Variants in PTPRR observed in about 807,000 individuals in gnomAD.
PTPRR encodes protein tyrosine phosphatase receptor type R.
Under a neutral mutation model 77.2 loss-of-function variants are expected in PTPRR, and 38 were observed. The ratio of observed to expected loss-of-function variants is 0.49; its 90% confidence interval spans 0.38 to 0.65. The LOEUF is 0.65. Among genes scored for constraint, PTPRR ranks in the 30% least tolerant of loss-of-function variants. The probability of loss-of-function intolerance (pLI) is 0.00; values close to 1 mark genes in which losing one functional copy is unlikely to be tolerated. For synonymous variants in PTPRR, 299 were observed against 283.1 expected, an observed-to-expected ratio of 1.06 and a Z score of -0.57; for missense variants, 744 against 799.2, an observed-to-expected ratio of 0.93 and a Z score of 0.83.
chr12:70,857,552 G>A (rs1247889679), intron 2 of PTPRR, among the ~76,000 whole-genome samples: 2 of 152,142 alleles, frequency 1.3e-5, no homozygotes, highest in African/African-American at 2.4e-5. Context: ...AAATTAGAAA[G>A]TATAAAATGT....
chr12:70,830,362 C>T (rs1892190590), intron 2 of PTPRR, among the ~76,000 whole-genome samples: 1 of 152,136 alleles, frequency 6.6e-6, no homozygotes, highest in South Asian at 2.1e-4. Flanking sequence ...GAGGGAGGCT[C>T]CACCTTGACA....
chr12:70,846,213 C>T (rs1892480675), intron 2 of PTPRR, among the ~76,000 whole-genome samples: 1 of 152,126 alleles, frequency 6.6e-6, no homozygotes, highest in South Asian at 2.1e-4. Context: ...GAAAACGCTT[C>T]CTTTCCACTA....
At chr12:70,780,685 G>A (rs1455513584) in intron 2 of PTPRR, among the ~76,000 whole-genome samples, 1 of 151,954 alleles carries the variant, frequency 6.6e-6, no homozygotes, top group Non-Finnish European at 1.5e-5. Flanking sequence ...ACATTTCTAT[G>A]GCTTTCCCCT....
At chr12:70,678,748 C>G (rs1887543860) in intron 10 of PTPRR, among the ~76,000 whole-genome samples, 1 of 152,142 alleles carries the variant, frequency 6.6e-6, no homozygotes. Flanking sequence ...GTGGCATGAT[C>G]TCAGCTCACT....
chr12:70,670,817 T>C (rs73329565), intron 10 of PTPRR, among the ~76,000 whole-genome samples: 150 of 152,360 alleles, frequency 9.8e-4, no homozygotes, highest in African/African-American at 3.5e-3. Flanking sequence ...TGAAGAGGAA[T>C]TCCCTTTCTC....
chr12:70,786,435 A>G (rs1224427847), intron 2 of PTPRR, among the ~76,000 whole-genome samples: 1 of 152,226 alleles, frequency 6.6e-6, no homozygotes, highest in Admixed American at 6.5e-5. Context: ...TTAAGAAATT[A>G]AAAGTCCTTA....
chr12:70,873,768 C>T (rs1365978117), intron 2 of PTPRR, among the ~76,000 whole-genome samples: 1 of 144,070 alleles, frequency 6.9e-6, no homozygotes, highest in Non-Finnish European at 1.5e-5. Flanking sequence ...GGGACAATGT[C>T]GGGGAGTGGT....
intron 10 of PTPRR, among the ~76,000 whole-genome samples, chr12:70,670,363 G>A (rs1199780216): frequency 1.3e-5 from 2 of 152,088 alleles, no homozygotes; most frequent in Admixed American, 6.5e-5. Context: ...CCTGGGCTTT[G>A]GAATTAAACA....
chr12:70,896,504 C>A (rs1265609762), intron 1 of PTPRR, among the ~76,000 whole-genome samples: 1 of 151,422 alleles, frequency 6.6e-6, no homozygotes, highest in Admixed American at 6.6e-5. Flanking sequence ...ATGTTGAAAA[C>A]TGAAATTATA....
At position 70,718,606 on chromosome 12, in the gene PTPRR, T is replaced by G. The variant is rs1889125772; in HGVS notation, c.1008-17283A>C. ...ACAAATACACACCTTTTTTGTGTCT[T>G]ACCATTCAGGGTTGAATATTTGGTG... On this transcript the variant is annotated intron_variant, in intron 6 of 13. Transcript: ENST00000283228. 5.3e-5 allele frequency among the ~76,000 whole-genome samples: 8 copies of G among 152,332 alleles called. No individual in the cohort carries two copies. In the South Asian group the frequency reaches 1.5e-3, roughly 28 times the overall value.
At chr12:70,775,836 T>G (rs956850955) in intron 2 of PTPRR, among the ~76,000 whole-genome samples, 2 of 152,046 alleles carry the variant, frequency 1.3e-5, no homozygotes, top group Middle Eastern at 3.2e-3. Context: ...GCCAAGGAGT[T>G]GGAATGGCAA....
intron 10 of PTPRR, among the ~76,000 whole-genome samples, chr12:70,677,754 T>C (rs1444409739): frequency 6.6e-6 from 1 of 152,234 alleles, no homozygotes; most frequent in Non-Finnish European, 1.5e-5. Flanking sequence ...CTGGGATGAA[T>C]TCCCTTGATC....
intron 10 of PTPRR, among the ~76,000 whole-genome samples, chr12:70,682,033 A>ATT (rs1887683340): frequency 5.0e-5 from 3 of 59,510 alleles, no homozygotes; most frequent in Admixed American, 1.8e-4. Flanking sequence ...TTTGTTGTTC[A>ATT]CTTTTTTTTT....
intron 13 of PTPRR, among the ~76,000 whole-genome samples, chr12:70,654,281 G>A (rs200512501): frequency 5.3e-5 from 8 of 152,024 alleles, no homozygotes; most frequent in African/African-American, 2.4e-5. Flanking sequence ...AAAAAATCTC[G>A]AAAGGTAATT....
chr12:70,824,645 A>G (rs1892078087), intron 2 of PTPRR, among the ~76,000 whole-genome samples: 1 of 151,228 alleles, frequency 6.6e-6, no homozygotes, highest in African/African-American at 2.5e-5. Context: ...GGGAGAAGCC[A>G]CAGTGTGTCT....
chr12:70,899,319 C>T (rs1893489912), intron 1 of PTPRR, among the ~76,000 whole-genome samples: 2 of 151,218 alleles, frequency 1.3e-5, no homozygotes, highest in South Asian at 2.1e-4. Context: ...TAAAAGTCCT[C>T]AACAAAATAT....
intron 10 of PTPRR, among the ~76,000 whole-genome samples, chr12:70,679,154 T>C (rs1887561832): frequency 6.6e-6 from 1 of 152,216 alleles, no homozygotes; most frequent in African/African-American, 2.4e-5. Flanking sequence ...TTTTTAAGTG[T>C]CCCTTTTAAT....
chr12:70,735,683 A>T (rs1233283940), intron 6 of PTPRR, among the ~76,000 whole-genome samples: 1 of 152,174 alleles, frequency 6.6e-6, no homozygotes, highest in Admixed American at 6.5e-5. Flanking sequence ...GGTTGTCAAG[A>T]TTGTATCTTT....
intron 6 of PTPRR, among the ~76,000 whole-genome samples, chr12:70,720,545 T>C (rs1889212291): frequency 6.7e-6 from 1 of 149,138 alleles, no homozygotes; most frequent in Non-Finnish European, 1.5e-5. Context: ...AGGGTCTTGC[T>C]CTGTCGCCCA....
Sources: allele counts gnomAD v4.1 joint callset (sites outside exome capture counted in the v4.1 genomes callset), GRCh38; gene constraint gnomAD v4.1.1; transcripts MANE v1.5; gene names NCBI Gene and HGNC (gene_info 2026-07-23, HGNC 2026-07-21).